Variants in SLC5A8 observed in about 807,000 individuals in gnomAD.
SLC5A8 encodes the protein sodium-coupled monocarboxylate transporter 1.
SLC5A8 carries 55 observed loss-of-function variants against 71.9 expected under a neutral mutation model. That is an observed-to-expected ratio of 0.77 (90% CI 0.62 to 0.96). SLC5A8 has a LOEUF of 0.96. Ranked by LOEUF, SLC5A8 falls within the 40% of genes least tolerant of loss-of-function variation. The probability of loss-of-function intolerance (pLI) is 0.00; values close to 1 mark genes in which losing one functional copy is unlikely to be tolerated. For missense variants in SLC5A8, 701 were observed against 745.3 expected (o/e 0.94, Z 0.69); for synonymous variants, 307 against 276.1 (o/e 1.11, Z -1.11).
At chr12:101,188,545 T>C (rs1868762448) in intron 6 of SLC5A8, among the ~76,000 whole-genome samples, 1 of 152,176 alleles carries the variant, frequency 6.6e-6, no homozygotes, top group East Asian at 1.9e-4. Context: ...ATGGGACTAG[T>C]CTGAAGAGCC....
chr12:101,159,099 A>C (rs1186850447), intron 13 of SLC5A8, among the ~76,000 whole-genome samples: 1 of 152,006 alleles, frequency 6.6e-6, no homozygotes, highest in Non-Finnish European at 1.5e-5. Context: ...AGATTCCCAG[A>C]CTCTAGCCTG....
Position 101,190,586 on chromosome 12 carries a change from T to G in SLC5A8, c.715A>C (p.Arg239=), listed in dbSNP as rs372287057. The G allele has an allele frequency of 5.6e-6, 9 of 1,611,994 alleles. No individual in the cohort carries two copies. The highest frequency in any genetic ancestry group is 7.6e-6 in the Non-Finnish European group (9 of 1,179,366). ...FWNFNPNPLQ[R]HTFWTIIIGG... ...ATAATAATTGTCCAGAAGGTGTGTC[T>G]TTGCAAAGGGTTAGGATTAAAACTA... Residue 239 remains arginine (R), a synonymous_variant, in exon 6 of 15, where the codon AGA becomes CGA. Coordinates refer to ENST00000536262, the MANE Select transcript of SLC5A8 (RefSeq NM_145913.5).
In SLC5A8 at chr12:101,204,515, G is replaced by A. The variant is rs377252809; in HGVS notation, c.402C>T (p.Leu134=). 3.9e-5 allele frequency: 63 copies of A among 1,596,580 alleles called. No individual in the cohort carries two copies. Among genetic ancestry groups the A allele is most frequent in the Non-Finnish European group, 4.9e-5 (58 of 1,175,052 alleles). ...NKCVRLCGTV[L]FIVQTILYTG... Reference sequence around the variant, plus strand: ...AGCTACTTACTGTTTGAACAATGAAGAGGACTGTTCCACAGAGACGAACAC... The same window carrying A: ...AGCTACTTACTGTTTGAACAATGAAAAGGACTGTTCCACAGAGACGAACAC... The change falls in exon 2 of 15, where the codon CTC becomes CTT. Residue 134 remains leucine, a synonymous_variant. Coordinates refer to ENST00000536262, the MANE Select transcript of SLC5A8 (RefSeq NM_145913.5).
intron 10 of SLC5A8, among the ~76,000 whole-genome samples, chr12:101,173,840 G>C (rs1295408510): frequency 6.6e-6 from 1 of 152,170 alleles, no homozygotes; most frequent in Non-Finnish European, 1.5e-5. Context: ...ATCCTTGGGG[G>C]CAAGGAGCAA....
At chr12:101,174,286 T>A (rs989836303) in intron 10 of SLC5A8, among the ~76,000 whole-genome samples, 3 of 152,184 alleles carry the variant, frequency 2.0e-5, no homozygotes, top group African/African-American at 7.2e-5. Context: ...CCTTTTCTGT[T>A]CACTTCACAT....
Position 101,161,960 on chromosome 12 carries a change from G to T in SLC5A8, c.1630+14C>A. On this transcript the variant is annotated intron_variant, in intron 13 of 14. Transcript: ENST00000536262. ...TAGAGGTAAATACAACAATACTAAT[G>T]TTTAGATAGTTACCTGTTGATAAAC... 1 of 1,554,700 alleles carries T rather than the reference G, an allele frequency of 6.4e-7. No homozygotes were observed. Among genetic ancestry groups the T allele is most frequent in the Non-Finnish European group, 8.9e-7 (1 of 1,126,206 alleles).
At chr12:101,204,657 C>A in intron 1 of SLC5A8, 92 bp from the exon 2 acceptor site, 5 of 796,228 alleles carry the variant, frequency 6.3e-6, no homozygotes, top group Non-Finnish European at 1.0e-5. Flanking sequence ...AAATGTAAAG[C>A]AACTTCATAA....
At chr12:101,166,044 A>G (rs1462200064) in intron 12 of SLC5A8, among the ~76,000 whole-genome samples, 1 of 152,216 alleles carries the variant, frequency 6.6e-6, no homozygotes, top group African/African-American at 2.4e-5. Context: ...AATGCTTTAA[A>G]GATTTGGAAT....
At chr12:101,184,272 T>G in intron 7 of SLC5A8, 50 bp from the exon 8 acceptor site, 1 of 1,391,852 alleles carries the variant, frequency 7.2e-7, no homozygotes, top group Non-Finnish European at 1.0e-6. Context: ...CTGAATAAAA[T>G]TAATGAATGC....
intron 12 of SLC5A8, among the ~76,000 whole-genome samples, chr12:101,162,333 T>G (rs983172854): frequency 6.6e-6 from 1 of 152,190 alleles, no homozygotes; most frequent in African/African-American, 2.4e-5. Context: ...CTCTTGTGAT[T>G]GGACAGTCAG....
chr12:101,182,280 A>C (rs143037758), intron 9 of SLC5A8, among the ~76,000 whole-genome samples: 30 of 152,294 alleles, frequency 2.0e-4, no homozygotes, highest in African/African-American at 6.7e-4. Context: ...CTTTATCTTC[A>C]ATTCATCTAA....
At position 101,160,884 on chromosome 12, in the gene SLC5A8, G is replaced by C. The variant is rs573859749; in HGVS notation, c.1630+1090C>G. On this transcript the variant is annotated intron_variant, in intron 13 of 14. Transcript: ENST00000536262. Reference sequence around the variant, plus strand: ...TGTTTGACTAATAGGAGTTCTCAGAGAGAGAACACAGAAAATTATTAAAAA... The same window carrying C: ...TGTTTGACTAATAGGAGTTCTCAGACAGAGAACACAGAAAATTATTAAAAA... Among the ~76,000 whole-genome samples, 17 of 152,274 alleles carry C rather than the reference G, an allele frequency of 1.1e-4. No homozygotes were observed. In the East Asian group the frequency reaches 3.3e-3, roughly 29 times the overall value.
At chr12:101,172,131 T>G (rs2051835662) in intron 10 of SLC5A8, among the ~76,000 whole-genome samples, 1 of 152,154 alleles carries the variant, frequency 6.6e-6, no homozygotes, top group Non-Finnish European at 1.5e-5. Context: ...TTCAAGGTGT[T>G]GTCCATTCCA....
rs1593356374 is a variant in SLC5A8 at position 101,155,970 on chromosome 12, A to G, written c.*1309T>C. 4 of 152,154 alleles carry G rather than the reference A, an allele frequency of 2.6e-5. No homozygotes were observed. In the South Asian group the frequency reaches 6.2e-4, roughly 24 times the overall value. The allele number at this position is 152,154 out of a possible 1,614,324, so 9.4% of individuals were successfully genotyped here. ...TGTTTCTAAAAAAAATTGAGTTTAA[A>G]AAAGAACTTTTAAACAGTATCTAAT... On this transcript the variant is annotated 3_prime_UTR_variant, in exon 15 of 15. Coordinates refer to ENST00000536262, the MANE Select transcript of SLC5A8 (RefSeq NM_145913.5).
intron 7 of SLC5A8, among the ~76,000 whole-genome samples, chr12:101,186,838 CCT>C (rs1868664767): frequency 6.6e-6 from 1 of 152,108 alleles, no homozygotes; most frequent in Non-Finnish European, 1.5e-5. Context: ...AGTTATATAA[CCT>C]CTCTGAGAAG....
chr12:101,200,042 A>AAAAAAAAAAAAAAAAC (rs1286958906), intron 3 of SLC5A8, among the ~76,000 whole-genome samples: 1 of 100,860 alleles, frequency 9.9e-6, no homozygotes, highest in African/African-American at 4.5e-5. Flanking sequence ...AAAAAAAAAA[A>AAAAAAAAAAAAAAAAC]AAAAAAAAAA....
At chr12:101,170,292 AT>A (rs890575671) in intron 10 of SLC5A8, among the ~76,000 whole-genome samples, 17 of 152,206 alleles carry the variant, frequency 1.1e-4, no homozygotes, top group East Asian at 9.7e-4. Context: ...AAATAAACAA[AT>A]TTTTTTTAAT....
chr12:101,166,753 A>G, intron 11 of SLC5A8, 54 bp from the exon 12 acceptor site: 3 of 1,473,042 alleles, frequency 2.0e-6, no homozygotes, highest in Non-Finnish European at 2.7e-6. Flanking sequence ...CTTTGATGTC[A>G]AAATTAATAT....
intron 12 of SLC5A8, among the ~76,000 whole-genome samples, chr12:101,163,017 G>A (rs752546634): frequency 6.6e-6 from 1 of 152,102 alleles, no homozygotes; most frequent in Non-Finnish European, 1.5e-5. Flanking sequence ...GAAAACCTTT[G>A]GGAATAAATG....
Sources: gnomAD v4.1 joint callset for allele counts (sites outside exome capture counted in the v4.1 genomes callset) on GRCh38, gnomAD v4.1.1 for gene constraint, MANE v1.5 for transcripts, NCBI Gene and HGNC (gene_info 2026-07-23, HGNC 2026-07-21) for gene names.